Variants in ZNF652 observed in about 807,000 individuals in gnomAD.
ZNF652 encodes the protein zinc finger protein 652.
ZNF652 carries 16 observed loss-of-function variants against 45.2 expected under a neutral mutation model. The ratio of observed to expected loss-of-function variants is 0.35; its 90% confidence interval spans 0.24 to 0.54. ZNF652 has a LOEUF of 0.54. ZNF652 is among the 20% of genes least tolerant of loss of function. The probability of loss-of-function intolerance (pLI) is 0.91; values close to 1 mark genes in which losing one functional copy is unlikely to be tolerated. For missense variants in ZNF652, 614 were observed against 765.6 expected (o/e 0.80, Z 2.34); for synonymous variants, 250 against 260.6 (o/e 0.96, Z 0.39).
chr17:49,333,545 TAAAAA>T (rs1182199037), intron 1 of ZNF652, among the ~76,000 whole-genome samples: 6 of 48,110 alleles, frequency 1.2e-4, no homozygotes, highest in Non-Finnish European at 1.8e-4. Context: ...CTGTCTCTAC[TAAAAA>T]AAAAAAAAAA....
chr17:49,328,374 T>G (rs187284229), intron 1 of ZNF652, among the ~76,000 whole-genome samples: 48 of 152,058 alleles, frequency 3.2e-4, no homozygotes, highest in African/African-American at 1.1e-3. Context: ...TTTTACCTAC[T>G]TATGCATGAT....
At chr17:49,327,881 G>A (rs1383943686) in intron 1 of ZNF652, among the ~76,000 whole-genome samples, 2 of 150,046 alleles carry the variant, frequency 1.3e-5, no homozygotes, top group Non-Finnish European at 3.0e-5. Context: ...GCCTCCCAAA[G>A]AGTTGGAATT....
chr17:49,332,238 A>G (rs1046683216), intron 1 of ZNF652, among the ~76,000 whole-genome samples: 13 of 152,242 alleles, frequency 8.5e-5, no homozygotes, highest in African/African-American at 3.1e-4. Context: ...ACTGCACTCC[A>G]GCCTGGGGAC....
intron 1 of ZNF652, among the ~76,000 whole-genome samples, chr17:49,340,376 C>T (rs1202013624): frequency 2.0e-5 from 3 of 151,774 alleles, no homozygotes; most frequent in African/African-American, 2.4e-5. Flanking sequence ...GCCAACATGG[C>T]GAAACCTTGT....
At chr17:49,333,353 G>A (rs1466330388) in intron 1 of ZNF652, among the ~76,000 whole-genome samples, 5 of 149,162 alleles carry the variant, frequency 3.4e-5, no homozygotes, top group Middle Eastern at 3.5e-3. Flanking sequence ...CACTGCACCC[G>A]GCCAAAATGA....
At chr17:49,301,722 C>T (rs1416476992) in intron 5 of ZNF652, among the ~76,000 whole-genome samples, 3 of 152,318 alleles carry the variant, frequency 2.0e-5, no homozygotes, top group East Asian at 3.9e-4. Context: ...TTTCCTCTAA[C>T]CGTCTTAAAA....
intron 1 of ZNF652, among the ~76,000 whole-genome samples, chr17:49,325,385 T>C (rs2069945927): frequency 6.6e-6 from 1 of 152,246 alleles, no homozygotes; most frequent in African/African-American, 2.4e-5. Context: ...TGCCATCTTA[T>C]ATGAGTATGG....
At position 49,311,421 on chromosome 17, in the gene ZNF652, T is replaced by C. The variant is rs2069709866; in HGVS notation, c.1200A>G (p.Leu400=). ...CDERFQYKYQ[L]RSHMSIHIGH... is the part of the protein sequence containing the mutation. ...CAATATGAATGCTCATGTGGGAGCG[T>C]AGCTGGTACTTGTACTGAAACCTTT... The change falls in exon 5 of 6, where the codon CTA becomes CTG. Residue 400 remains leucine (L), a synonymous_variant. Coordinates refer to ENST00000430262, the MANE Select transcript of ZNF652 (RefSeq NM_001145365.3). 2 of 1,614,066 alleles carry C rather than the reference T, an allele frequency of 1.2e-6. No individual in the cohort carries two copies. Among genetic ancestry groups the C allele is most frequent in the Admixed American group, 3.3e-5 (2 of 60,002 alleles).
At chr17:49,361,457 C>G (rs1013119900) in intron 1 of ZNF652, among the ~76,000 whole-genome samples, 2 of 152,116 alleles carry the variant, frequency 1.3e-5, no homozygotes, top group Non-Finnish European at 2.9e-5. Context: ...CTACTGGCGG[C>G]ACAATACTCC....
chr17:49,359,837 G>C (rs1015461828), intron 1 of ZNF652, among the ~76,000 whole-genome samples: 1 of 151,956 alleles, frequency 6.6e-6, no homozygotes, highest in African/African-American at 2.4e-5. Context: ...TCCCCATTAA[G>C]ACATGAAATC....
intron 1 of ZNF652, among the ~76,000 whole-genome samples, chr17:49,351,959 C>A (rs1044405919): frequency 9.2e-5 from 14 of 152,228 alleles, no homozygotes; most frequent in Admixed American, 8.5e-4. Flanking sequence ...TGTGATCACA[C>A]CACTCCAGCC....
chr17:49,313,566 G>A (rs543628596), intron 2 of ZNF652, among the ~76,000 whole-genome samples: 1 of 151,978 alleles, frequency 6.6e-6, no homozygotes, highest in African/African-American at 2.4e-5. Context: ...TTTTACCAGA[G>A]AATATAAACT....
intron 1 of ZNF652, among the ~76,000 whole-genome samples, chr17:49,329,994 G>A (rs1598303511): frequency 6.6e-6 from 1 of 152,116 alleles, no homozygotes; most frequent in Non-Finnish European, 1.5e-5. Flanking sequence ...CCACAGGACC[G>A]ACATGATCAC....
At chr17:49,328,029 G>C (rs1382957657) in intron 1 of ZNF652, among the ~76,000 whole-genome samples, 1 of 151,756 alleles carries the variant, frequency 6.6e-6, no homozygotes, top group Non-Finnish European at 1.5e-5. Flanking sequence ...ATGACCTTGG[G>C]TAAGTTACTT....
chr17:49,306,646 T>C (rs2069632938), intron 5 of ZNF652, among the ~76,000 whole-genome samples: 2 of 152,332 alleles, frequency 1.3e-5, no homozygotes, highest in Admixed American at 6.5e-5. Flanking sequence ...TCATAATACA[T>C]GACACTAAGT....
rs2069381840 is a variant in ZNF652, at chr17:49,289,893, C to T, written c.*8520G>A. ...ACCAAGCAGCTTCTATTTTGTCAAA[C>T]TCCTTTGGACAAATATTCAACATTC... On this transcript the variant is annotated 3_prime_UTR_variant, in exon 6 of 6. Coordinates refer to ENST00000430262, the MANE Select transcript of ZNF652 (RefSeq NM_001145365.3). The T allele has an allele frequency of 6.6e-6, 1 of 152,260 alleles. No homozygotes were observed. The highest frequency in any genetic ancestry group is 6.5e-5 in the Admixed American group (1 of 15,288). The allele number at this position is 152,260 out of a possible 1,614,324, so 9.4% of individuals were successfully genotyped here.
At chr17:49,306,642 T>A (rs2069632784) in intron 5 of ZNF652, among the ~76,000 whole-genome samples, 4 of 152,192 alleles carry the variant, frequency 2.6e-5, no homozygotes. Flanking sequence ...CATTTCATAA[T>A]ACATGACACT....
intron 5 of ZNF652, among the ~76,000 whole-genome samples, chr17:49,301,534 G>A (rs1022500917): frequency 6.6e-6 from 1 of 152,114 alleles, no homozygotes; most frequent in African/African-American, 2.4e-5. Flanking sequence ...CTGACCTCAG[G>A]TGATCCGCCC....
chr17:49,298,570 T>A lies in ZNF652; in HGVS notation c.1664A>T (p.His555Leu). 6.2e-7 allele frequency: 1 copy of A among 1,601,778 alleles called. No homozygotes were observed. The highest frequency in any genetic ancestry group is 1.1e-5 in the South Asian group (1 of 90,298). ...HPFSHLHIHP[H>L]PHHPHHLPIP... ...GGGAAGGTGGTGTGGGTGGTGAGGG[T>A]GTGGGTGGATGTGCAGGTGTGAGAA... The change falls in exon 6 of 6, where the codon CAC becomes CTC. Residue 555 changes from histidine to leucine, a missense_variant. By Grantham distance (99) the His-to-Leu change is moderately conservative (BLOSUM62 -3). Transcript: ENST00000430262.
Sources: gnomAD v4.1 joint callset for allele counts (sites outside exome capture counted in the v4.1 genomes callset) on GRCh38, gnomAD v4.1.1 for gene constraint, MANE v1.5 for transcripts, NCBI Gene and HGNC (gene_info 2026-07-23, HGNC 2026-07-21) for gene names.